The following LGSN variants were observed in gnomAD, a reference collection of about 807,000 sequenced individuals.
The protein encoded by LGSN is lengsin.
LGSN carries 21 observed loss-of-function variants against 19.5 expected under a neutral mutation model. The observed-to-expected ratio is 1.07, with a 90% CI of 0.76 to 1.55. The LOEUF (loss-of-function observed/expected upper bound fraction) is 1.55. LGSN is among the 40% of genes most tolerant of loss of function. The probability of loss-of-function intolerance (pLI) is 0.00; values close to 1 mark genes in which losing one functional copy is unlikely to be tolerated. For missense variants in LGSN, 673 were observed against 608.5 expected (o/e 1.11, Z -1.12); for synonymous variants, 257 against 215.6 (o/e 1.19, Z -1.68).
chr6:63,500,264 T>C, the LGSN span, among the ~76,000 whole-genome samples: 1 of 101,840 alleles, frequency 9.8e-6, no homozygotes, highest in Non-Finnish European at 1.8e-5. Context: ...AGAAGTATAA[T>C]GGAAAAAAAA....
the LGSN span, among the ~76,000 whole-genome samples, chr6:63,525,631 C>A: frequency 6.6e-6 from 1 of 152,206 alleles, no homozygotes; most frequent in African/African-American, 2.4e-5. Context: ...AGCTTCCTCA[C>A]CTCAGAGGTC....
chr6:63,281,198 C>A lies in LGSN; in HGVS notation c.353G>T (p.Cys118Phe), dbSNP rs564674342. 21 of 1,583,570 alleles carry A rather than the reference C, an allele frequency of 1.3e-5. 2 individuals carry two copies. The South Asian group carries it at 2.3e-4, about 18-fold the overall frequency. ...CACTTCAAGATAACCTCGGGGCATG[C>A]AAACACCATGGCTCACTTTCTCCTA... ...FFQEKVSHGVCMPRGYLEVIP... is the reference protein window; with the variant it reads ...FFQEKVSHGVFMPRGYLEVIP... Residue 118 changes from cysteine (C) to phenylalanine (F), a missense_variant, in exon 4 of 4, where the codon TGC becomes TTC. By Grantham distance (205) the Cys-to-Phe change is radical. Coordinates refer to ENST00000370657, the MANE Select transcript of LGSN (RefSeq NM_016571.3).
At chr6:63,296,976 G>A (rs1056359970) in intron 1 of LGSN, among the ~76,000 whole-genome samples, 1 of 150,856 alleles carries the variant, frequency 6.6e-6, no homozygotes, top group African/African-American at 2.4e-5. Context: ...ATATAAACCC[G>A]ATCAAAAGAG....
In LGSN at chr6:63,301,558, G is replaced by A. The variant is rs575511493; in HGVS notation, c.31-6513C>T. On this transcript the variant is annotated intron_variant, in intron 1 of 3. Transcript: ENST00000370657. ...TTGTGTGTTCAAAAGCTGATTGAAG[G>A]TGAATGTATTTGTTTATAAGGTTTT... 7.9e-5 allele frequency among the ~76,000 whole-genome samples: 12 copies of A among 152,230 alleles called. 1 individual carries two copies. In the South Asian group the frequency reaches 2.3e-3, roughly 29 times the overall value.
At chr6:63,510,292 C>A in the LGSN span, among the ~76,000 whole-genome samples, 3 of 152,094 alleles carry the variant, frequency 2.0e-5, no homozygotes, top group South Asian at 6.2e-4. Context: ...CTCATCTGCA[C>A]TTTAGCCCCA....
chr6:63,346,798 C>T, the LGSN span, among the ~76,000 whole-genome samples: 1 of 152,066 alleles, frequency 6.6e-6, no homozygotes, highest in Non-Finnish European at 1.5e-5. Context: ...GAGCTCACCC[C>T]ACCATCCTTT....
the LGSN span, among the ~76,000 whole-genome samples, chr6:63,444,992 C>A: frequency 1.3e-5 from 2 of 152,106 alleles, no homozygotes; most frequent in African/African-American, 2.4e-5. Flanking sequence ...TGGAAAAGTG[C>A]CATTTGCAGG....
At chr6:63,374,657 C>A in the LGSN span, among the ~76,000 whole-genome samples, 12 of 152,306 alleles carry the variant, frequency 7.9e-5, no homozygotes, top group East Asian at 2.1e-3. Flanking sequence ...TAAAACAAGA[C>A]AAAAGTGTTG....
the LGSN span, among the ~76,000 whole-genome samples, chr6:63,391,141 C>T: frequency 2.0e-5 from 3 of 152,052 alleles, no homozygotes; most frequent in African/African-American, 4.8e-5. Context: ...TTTAAAATCT[C>T]GTTTTTAAAA....
chr6:63,496,200 CA>C, the LGSN span, among the ~76,000 whole-genome samples: 2 of 152,144 alleles, frequency 1.3e-5, no homozygotes, highest in African/African-American at 4.8e-5. Context: ...GCTGGGATTA[CA>C]GGCGTGAGCC....
the LGSN span, among the ~76,000 whole-genome samples, chr6:63,375,554 C>A: frequency 6.6e-6 from 1 of 151,960 alleles, no homozygotes; most frequent in African/African-American, 2.4e-5. Flanking sequence ...TATGAAAACA[C>A]TTATTTATGT....
chr6:63,351,647 G>A, the LGSN span, among the ~76,000 whole-genome samples: 15 of 152,012 alleles, frequency 9.9e-5, no homozygotes, highest in Admixed American at 8.5e-4. Flanking sequence ...TAGTAGAGAC[G>A]GGGTCTTCCT....
chr6:63,296,162 T>C (rs1309410251), intron 1 of LGSN, among the ~76,000 whole-genome samples: 4 of 152,188 alleles, frequency 2.6e-5, no homozygotes, highest in Non-Finnish European at 4.4e-5. Flanking sequence ...TATGATGCAT[T>C]GTTATTATTG....
the LGSN span, among the ~76,000 whole-genome samples, chr6:63,414,612 C>T: frequency 6.6e-6 from 1 of 152,174 alleles, no homozygotes; most frequent in Non-Finnish European, 1.5e-5. Flanking sequence ...ATCAATTATA[C>T]CTTAATAAAG....
At chr6:63,357,163 A>G in the LGSN span, among the ~76,000 whole-genome samples, 4 of 152,068 alleles carry the variant, frequency 2.6e-5, no homozygotes, top group Admixed American at 1.3e-4. Context: ...ACATGAACTC[A>G]TCATTTTTTT....
At chr6:63,446,876 C>T in the LGSN span, among the ~76,000 whole-genome samples, 1 of 152,152 alleles carries the variant, frequency 6.6e-6, no homozygotes, top group Admixed American at 6.5e-5. Context: ...TTGGAGAAAT[C>T]CTGTCTCTAC....
At chr6:63,412,579 GAAAGAAAGAGGC>G in the LGSN span, among the ~76,000 whole-genome samples, 1 of 119,408 alleles carries the variant, frequency 8.4e-6, no homozygotes, top group African/African-American at 3.2e-5. Context: ...AGGAAGGAAG[GAAAGAAAGAGGC>G]AAAGAAAGAG....
At chr6:63,329,297 T>A in the LGSN span, among the ~76,000 whole-genome samples, 1 of 152,004 alleles carries the variant, frequency 6.6e-6, no homozygotes, top group African/African-American at 2.4e-5. Flanking sequence ...GGAGTCAGAG[T>A]GCAGGGGAAT....
chr6:63,295,517 A>G (rs1189471223), intron 1 of LGSN, among the ~76,000 whole-genome samples: 3 of 152,182 alleles, frequency 2.0e-5, no homozygotes, highest in Non-Finnish European at 4.4e-5. Context: ...AAAATTAATA[A>G]TGCAATTAAT....
Sources: gnomAD v4.1 joint callset for allele counts (sites outside exome capture counted in the v4.1 genomes callset) on GRCh38, gnomAD v4.1.1 for gene constraint, MANE v1.5 for transcripts, NCBI Gene and HGNC (gene_info 2026-07-23, HGNC 2026-07-21) for gene names.